The following ERI1 variants were observed in gnomAD, a reference collection of about 807,000 sequenced individuals.
ERI1 encodes the protein exoribonuclease 1.
ERI1 carries 39 observed loss-of-function variants against 39.7 expected under a neutral mutation model. The ratio of observed to expected loss-of-function variants is 0.98; its 90% CI spans 0.76 to 1.28. The LOEUF (loss-of-function observed/expected upper bound fraction) is 1.28, where lower values mean the gene tolerates loss of function less well. Among genes scored for constraint, ERI1 ranks in the 50% most tolerant of loss-of-function variants. The probability of loss-of-function intolerance (pLI) is 0.00; values close to 1 mark genes in which losing one functional copy is unlikely to be tolerated. For synonymous variants in ERI1, 204 were observed against 149.6 expected (o/e 1.36, Z -2.65); for missense variants, 581 against 416.9 (o/e 1.39, Z -3.43).
rs77067339 is a variant in ERI1 at position 9,081,387 on chromosome 8, C to T, written n.300-34961C>T. 9.4e-3 allele frequency among the ~76,000 whole-genome samples: 1,437 copies of T among 152,230 alleles called. 10 individuals carry two copies. Among genetic ancestry groups the T allele is most frequent in the Non-Finnish European group, 0.016 (1,066 of 68,008 alleles). On this transcript the variant is annotated intron_variant and non_coding_transcript_variant, in intron 3 of 3. Coordinates refer to the ERI1 transcript ENST00000518663. ...TGTGCATTAATAATTGTTGAAGCTGCCAAGGGTGCATTGAGGTTCTTTATA... is the reference window on the plus strand; with the variant it reads ...TGTGCATTAATAATTGTTGAAGCTGTCAAGGGTGCATTGAGGTTCTTTATA...
rs766382335 is a variant in ERI1, at chr8:9,018,736, C to T, written c.692+330C>T. Among the ~76,000 whole-genome samples the T allele has an allele frequency of 6.3e-4, 96 of 152,316 alleles. 2 individuals are homozygous for T. The highest frequency in any genetic ancestry group is 1.3e-4 in the Admixed American group (2 of 15,294). On this transcript the variant is annotated intron_variant, in intron 5 of 6. Coordinates refer to ENST00000250263, the MANE Select transcript of ERI1 (RefSeq NM_153332.4). ...TTGAAGCCTCTTTCCTCTCATCCCACGCTACCTGTTTAATCTAATTCACCT... is the reference window on the plus strand; with the variant it reads ...TTGAAGCCTCTTTCCTCTCATCCCATGCTACCTGTTTAATCTAATTCACCT...
Position 9,003,069 on chromosome 8 carries a change from G to A in ERI1, c.6G>A (p.Glu2=). The change falls in exon 1 of 7, where the codon GAG becomes GAA. Residue 2 remains glutamate (E), a synonymous_variant. Coordinates refer to ENST00000250263, the MANE Select transcript of ERI1 (RefSeq NM_153332.4). ...CCTCTGGCGTGACAGCCGGCATGGA[G>A]GATCCACAGAGTAAAGAGCCTGCCG... The part of the protein sequence containing the change: M[E]DPQSKEPAGE... 8.0e-7 allele frequency: 1 copy of A among 1,247,270 alleles called. No homozygotes were observed. The highest frequency in any genetic ancestry group is 1.0e-6 in the Non-Finnish European group (1 of 987,906). The allele number at this position is 1,247,270 out of a possible 1,614,324, so 77.3% of individuals were successfully genotyped here. A position where few individuals can be genotyped will look rare whatever the true frequency, so the allele number is the denominator to read the frequency against.
chr8:9,098,566 C>T (rs901333003), intron 3 of ERI1, among the ~76,000 whole-genome samples: 1 of 152,006 alleles, frequency 6.6e-6, no homozygotes, highest in Non-Finnish European at 1.5e-5. Context: ...TTGGGGACTC[C>T]AGGCAATGGT....
chr8:9,080,307 C>T (rs541736519), intron 3 of ERI1, among the ~76,000 whole-genome samples: 1 of 152,312 alleles, frequency 6.6e-6, no homozygotes, highest in African/African-American at 2.4e-5. Context: ...CCCAAGTAGC[C>T]TGACTAGATG....
chr8:9,005,869 C>G (rs1815962547), intron 1 of ERI1, among the ~76,000 whole-genome samples: 1 of 152,186 alleles, frequency 6.6e-6, no homozygotes, highest in African/African-American at 2.4e-5. Flanking sequence ...ATGGCCACAT[C>G]CCATAATGTA....
intron 3 of ERI1, among the ~76,000 whole-genome samples, chr8:9,083,399 T>C (rs1248007817): frequency 6.6e-6 from 1 of 152,176 alleles, no homozygotes; most frequent in Non-Finnish European, 1.5e-5. Flanking sequence ...GGGTCAAAAA[T>C]TGATGTTTAT....
chr8:9,041,043 G>C (rs1798001068), intron 3 of ERI1, among the ~76,000 whole-genome samples: 1 of 152,184 alleles, frequency 6.6e-6, no homozygotes, highest in African/African-American at 2.4e-5. Context: ...TGAGCCCCCA[G>C]GCACTTGCTC....
chr8:9,034,668 G>T (rs1028951059), downstream of ERI1, among the ~76,000 whole-genome samples: 31 of 152,220 alleles, frequency 2.0e-4, no homozygotes, highest in African/African-American at 7.5e-4. Context: ...ACACAATATT[G>T]AAATTAGGGC....
At chr8:9,025,475 C>T (rs1818374344) in intron 6 of ERI1, among the ~76,000 whole-genome samples, 1 of 152,248 alleles carries the variant, frequency 6.6e-6, no homozygotes, top group African/African-American at 2.4e-5. Context: ...CTTCCAACTG[C>T]TCAGCAAAAT....
chr8:9,012,844 CTTAAG>C (rs1816808387), intron 3 of ERI1, among the ~76,000 whole-genome samples: 1 of 152,160 alleles, frequency 6.6e-6, no homozygotes, highest in Non-Finnish European at 1.5e-5. Flanking sequence ...AAATTCTTCA[CTTAAG>C]TTATAGGTAC....
intron 3 of ERI1, among the ~76,000 whole-genome samples, chr8:9,038,834 C>T (rs1797932135): frequency 6.6e-6 from 1 of 152,126 alleles, no homozygotes; most frequent in African/African-American, 2.4e-5. Context: ...AATGTTTTTA[C>T]AATTAGTTTA....
At chr8:9,012,814 C>G (rs963184249) in intron 3 of ERI1, among the ~76,000 whole-genome samples, 2 of 152,170 alleles carry the variant, frequency 1.3e-5, no homozygotes, top group African/African-American at 2.4e-5. Context: ...TACTGCATTT[C>G]TTTGTTCCTC....
intron 3 of ERI1, 37 bp downstream of exon 3, chr8:9,011,789 A>G: frequency 4.7e-6 from 7 of 1,491,174 alleles, no homozygotes; most frequent in African/African-American, 1.4e-5. Flanking sequence ...TATTTCTAGC[A>G]GCAACTATTC....
At chr8:9,088,636 G>C (rs548148576) in intron 3 of ERI1, 4 of 152,326 alleles carry the variant, frequency 2.6e-5, no homozygotes, top group African/African-American at 4.8e-5. Context: ...GCGCAGAGGG[G>C]GAGCAATGCC....
intron 3 of ERI1, among the ~76,000 whole-genome samples, chr8:9,097,320 T>C (rs1284601708): frequency 1.3e-5 from 2 of 152,222 alleles, no homozygotes; most frequent in African/African-American, 2.4e-5. Flanking sequence ...CATTTGGTAC[T>C]GGGGACCCAG....
At chr8:9,086,793 C>T (rs1038164640) in intron 3 of ERI1, among the ~76,000 whole-genome samples, 1 of 152,150 alleles carries the variant, frequency 6.6e-6, no homozygotes, top group Non-Finnish European at 1.5e-5. Context: ...TAAAAACATA[C>T]ATATTGGCTT....
intron 3 of ERI1, among the ~76,000 whole-genome samples, chr8:9,070,506 T>G (rs1265339794): frequency 6.6e-6 from 1 of 152,122 alleles, no homozygotes; most frequent in African/African-American, 2.4e-5. Flanking sequence ...CAAAAAGGAC[T>G]CTAAAGATAC....
intron 3 of ERI1, among the ~76,000 whole-genome samples, chr8:9,044,478 G>C (rs1366847561): frequency 6.6e-6 from 1 of 152,028 alleles, no homozygotes; most frequent in East Asian, 1.9e-4. Flanking sequence ...CATACAGGTA[G>C]GTCTAGTTAG....
At chr8:9,045,095 G>A (rs1240168788) in intron 3 of ERI1, among the ~76,000 whole-genome samples, 1 of 151,862 alleles carries the variant, frequency 6.6e-6, no homozygotes, top group African/African-American at 2.4e-5. Context: ...AATTAGCTGG[G>A]CGTAGTGGCG....
Sources: allele counts gnomAD v4.1 joint callset (sites outside exome capture counted in the v4.1 genomes callset), GRCh38; gene constraint gnomAD v4.1.1; transcripts MANE v1.5; gene names NCBI Gene and HGNC (gene_info 2026-07-23, HGNC 2026-07-21).